The following MMP21 variants were observed in gnomAD, a reference collection of about 807,000 sequenced individuals.
MMP21 encodes the protein matrix metallopeptidase 21.
Under a neutral mutation model 47.8 loss-of-function variants are expected in MMP21, and 40 were observed. The ratio of observed to expected loss-of-function variants is 0.84; its 90% CI spans 0.65 to 1.09. MMP21 has a LOEUF of 1.09. MMP21 is among the 50% of genes least tolerant of loss of function. The pLI is 0.00. For missense variants in MMP21, 747 were observed against 775.3 expected (o/e 0.96, Z 0.43); for synonymous variants, 341 against 318.0 (o/e 1.07, Z -0.77).
Position 125,772,755 on chromosome 10 carries a change from C to A in MMP21, c.698-5G>T. ...GCGGACAGCCCAGGTGCCGGCCTGG[C>A]GAGGGGGAGGAGGAGTTGGTCCCGG... is the stretch of plus-strand genomic sequence containing the variant. On this transcript the variant is annotated splice_region_variant and splice_polypyrimidine_tract_variant and intron_variant, in intron 2 of 6. Transcript: ENST00000368808. The surrounding 1 kb of genome is among the most constrained non-coding windows in gnomAD (Gnocchi z 5.6). The A allele has an allele frequency of 6.2e-7, 1 of 1,611,534 alleles. No individual in the cohort carries two copies.
chr10:125,767,500 A>T, intron 6 of MMP21, 32 bp downstream of exon 6: 1 of 1,593,588 alleles, frequency 6.3e-7, no homozygotes, highest in South Asian at 1.1e-5. Context: ...GGATGACAGA[A>T]GCATTGCTAG....
In MMP21 at chr10:125,774,169, G is replaced by A. The variant is rs1313614614; in HGVS notation, c.359C>T (p.Pro120Leu). The A allele has an allele frequency of 4.7e-6, 6 of 1,275,988 alleles. No individual in the cohort carries two copies. The highest frequency in any genetic ancestry group is 1.6e-5 in the African/African-American group (1 of 63,582). The allele number at this position is 1,275,988 out of a possible 1,614,324, so 79.0% of individuals were successfully genotyped here. The change falls in exon 2 of 7, where the codon CCG becomes CTG. Residue 120 changes from proline to leucine, a missense_variant. By Grantham distance (98) the Pro-to-Leu change is moderately conservative (BLOSUM62 -3). Transcript: ENST00000368808. ...GGAGGGGGGCGGTGGGCGCATGTCCGGGACCCCGCAGCGCGGCCGGTTCAT... is the reference window on the plus strand; with the variant it reads ...GGAGGGGGGCGGTGGGCGCATGTCCAGGACCCCGCAGCGCGGCCGGTTCAT... Reference protein sequence around the residue: ...AAMNRPRCGVPDMRPPPPSAP... With the variant: ...AAMNRPRCGVLDMRPPPPSAP...
rs1253758538 is a variant in MMP21, at chr10:125,766,666, A to T, written c.1706T>A (p.Met569Lys). ...TCCATTTCCTACTTTTTCTTATTAC[A>T]TGTTCAGTGTGGAGATATGGACGTC... The part of the protein sequence containing the change: ...VCDVHISTLN[M>K] Residue 569 changes from methionine to lysine, a missense_variant, in exon 7 of 7, where the codon ATG (methionine) becomes AAG (lysine). Physicochemically the swap from Met to Lys is moderately conservative, Grantham distance 95. Transcript: ENST00000368808. 6.3e-7 allele frequency: 1 copy of T among 1,593,490 alleles called. No homozygotes were observed. The highest frequency in any genetic ancestry group is 1.8e-5 in the Admixed American group (1 of 54,984).
At position 125,772,354 on chromosome 10, in the gene MMP21, G is replaced by C. The variant is rs202130261; in HGVS notation, c.843C>G (p.Ala281=). The C allele has an allele frequency of 1.9e-5, 31 of 1,613,904 alleles. No individual in the cohort carries two copies. The highest frequency in any genetic ancestry group is 2.2e-5 in the Non-Finnish European group (26 of 1,179,992). The change falls in exon 4 of 7, where the codon GCC becomes GCG. Residue 281 remains alanine, a synonymous_variant. Transcript: ENST00000368808. This position sits in a 1 kb window ranked among gnomAD's most constrained non-coding sequence, Gnocchi z 5.6. ...SDTGISLLKV[A]VHEIGHVLGL... is the part of the protein sequence containing the mutation. Reference sequence around the variant, plus strand: ...CCAGGACATGGCCAATTTCATGGACGGCCACCTAGAAGGGGACACACACCA... The same window carrying C: ...CCAGGACATGGCCAATTTCATGGACCGCCACCTAGAAGGGGACACACACCA...
chr10:125,767,367 C>T (rs1850397478), intron 6 of MMP21, among the ~76,000 whole-genome samples, 165 bp downstream of exon 6: 1 of 152,224 alleles, frequency 6.6e-6, no homozygotes, highest in Non-Finnish European at 1.5e-5. Flanking sequence ...GTCTCAAACT[C>T]CTGGGCTTAA....
rs1365555768 is a variant in MMP21 at position 125,770,438 on chromosome 10, T to C, written c.1133A>G (p.Asp378Gly). Residue 378 changes from aspartate (D) to glycine (G), a missense_variant, in exon 5 of 7, where the codon GAC (aspartate) becomes GGC (glycine). Asp to Gly is a moderately conservative substitution (Grantham distance 94). Coordinates refer to ENST00000368808, the MANE Select transcript of MMP21 (RefSeq NM_147191.1). ...CCAGCCAGTGAGGATTTGGATAGGG[T>C]CCCCATAGCGTGTCCTATTGTTTCG... is the stretch of plus-strand genomic sequence containing the variant. ...ENRNNRTRYG[D>G]PIQILTGWPG... 1 of 1,614,108 alleles carries C rather than the reference T, an allele frequency of 6.2e-7. No homozygotes were observed. The highest frequency in any genetic ancestry group is 8.5e-7 in the Non-Finnish European group (1 of 1,180,034).
Position 125,774,046 on chromosome 10 carries a change from C to T in MMP21, c.482G>A (p.Gly161Asp). 3 of 1,468,122 alleles carry T rather than the reference C, an allele frequency of 2.0e-6. No homozygotes were observed. Among genetic ancestry groups the T allele is most frequent in the Non-Finnish European group, 2.7e-6 (3 of 1,113,472 alleles). The allele number at this position is 1,468,122 out of a possible 1,614,324, so 90.9% of individuals were successfully genotyped here. A position where few individuals can be genotyped will look rare whatever the true frequency, so the allele number is the denominator to read the frequency against. ...SLSRRGWQPRGYPDGGAAQAF... is the reference protein window; with the variant it reads ...SLSRRGWQPRDYPDGGAAQAF... ...CTGGGCAGCTCCGCCGTCGGGGTAG[C>T]CCCGGGGCTGCCAACCCCGCCGGGA... Residue 161 changes from glycine (G) to aspartate (D), a missense_variant, in exon 2 of 7, where the codon GGC (glycine) becomes GAC (aspartate). Gly to Asp is a moderately conservative substitution (Grantham distance 94). Coordinates refer to ENST00000368808, the MANE Select transcript of MMP21 (RefSeq NM_147191.1).
intron 1 of MMP21, among the ~76,000 whole-genome samples, chr10:125,774,785 A>AGGGCAGGTCGTGCG (rs1850497725): frequency 6.6e-6 from 1 of 152,202 alleles, no homozygotes; most frequent in South Asian, 2.1e-4. Flanking sequence ...CAGGTCGCGC[A>AGGGCAGGTCGTGCG]GGGCAGGTCG....
At position 125,772,578 on chromosome 10, in the gene MMP21, G is replaced by T. The variant is rs1380023266; in HGVS notation, c.837+33C>A. ...ACGTCAGCCCATGAGCACTGCTGGT[G>T]TCTTATCAACACAGTGGCTCAGGAC... On this transcript the variant is annotated intron_variant, in intron 3 of 6. Transcript: ENST00000368808. This position sits in a 1 kb window ranked among gnomAD's most constrained non-coding sequence, Gnocchi z 5.6. 6.2e-7 allele frequency: 1 copy of T among 1,613,656 alleles called. No homozygotes were observed. Among genetic ancestry groups the T allele is most frequent in the African/African-American group, 1.3e-5 (1 of 75,044 alleles).
In MMP21 at chr10:125,774,074, AG is replaced by A; in HGVS notation, c.453del (p.Leu152CysfsTer25). ...CGGGGCTGCCAACCCCGCCGGGACA[AG>A]GACAGCGGCGCCCGCGGGGAGCGCC... ...RSRRSPRAPL[S>X]LSRRGWQPRG... On this transcript the variant is annotated frameshift_variant, in exon 2 of 7. Transcript: ENST00000368808. LOFTEE classifies it high-confidence loss of function. 3 of 1,406,370 alleles carry A rather than the reference AG, an allele frequency of 2.1e-6. No individual in the cohort carries two copies. Among genetic ancestry groups the A allele is most frequent in the Non-Finnish European group, 2.8e-6 (3 of 1,084,876 alleles). 87.1% of individuals were successfully genotyped at this position (1,406,370 alleles called of 1,614,324 possible).
At position 125,774,150 on chromosome 10, in the gene MMP21, G is replaced by T; in HGVS notation, c.378C>A (p.Pro126=). The change falls in exon 2 of 7, where the codon CCC becomes CCA. Residue 126 remains proline, a synonymous_variant. Coordinates refer to ENST00000368808, the MANE Select transcript of MMP21 (RefSeq NM_147191.1). The part of the protein sequence containing the change: ...RCGVPDMRPP[P]PSAPPSPPGP... ...CCGGGGGCGAAGGCGGGGCGGAGGG[G>T]GGCGGTGGGCGCATGTCCGGGACCC... 1 of 1,278,078 alleles carries T rather than the reference G, an allele frequency of 7.8e-7. No homozygotes were observed. The highest frequency in any genetic ancestry group is 9.8e-7 in the Non-Finnish European group (1 of 1,016,460). 79.2% of individuals were successfully genotyped at this position (1,278,078 alleles called of 1,614,324 possible). A position where few individuals can be genotyped will look rare whatever the true frequency, so the allele number is the denominator to read the frequency against.
intron 1 of MMP21, among the ~76,000 whole-genome samples, chr10:125,775,317 A>G (rs1026723926): frequency 6.6e-6 from 1 of 152,238 alleles, no homozygotes; most frequent in Non-Finnish European, 1.5e-5. Flanking sequence ...AGAGATTGGC[A>G]TGGTGAGCAG....
chr10:125,766,478 A>G lies in MMP21; in HGVS notation c.*184T>C, dbSNP rs577464269. ...TTTTTTTAAACCTTTTAGTTTATGA[A>G]TTATGTTTTGCCTGAGCAATTGTTT... On this transcript the variant is annotated 3_prime_UTR_variant, in exon 7 of 7. Transcript: ENST00000368808. 55 of 532,194 alleles carry G rather than the reference A, an allele frequency of 1.0e-4. No individual in the cohort carries two copies. Among genetic ancestry groups the G allele is most frequent in the African/African-American group, 1.0e-3 (52 of 51,456 alleles). 33.0% of individuals were successfully genotyped at this position (532,194 alleles called of 1,614,324 possible). A position where few individuals can be genotyped will look rare whatever the true frequency, so the allele number is the denominator to read the frequency against.
Position 125,774,252 on chromosome 10 carries a change from GA to G in MMP21, c.275del (p.Phe92SerfsTer18). 7.0e-7 allele frequency: 1 copy of G among 1,418,442 alleles called. No individual in the cohort carries two copies. The highest frequency in any genetic ancestry group is 9.2e-7 in the Non-Finnish European group (1 of 1,090,496). 87.9% of individuals were successfully genotyped at this position (1,418,442 alleles called of 1,614,324 possible). ...TGGCCGGCAGCGCGTTCGCCCGCTG[GA>G]ACCTGCGCACCGCCTCGGCCAGGGC... is the stretch of plus-strand genomic sequence containing the variant. ...GAALAEAVRR[F>X]QRANALPASG... On this transcript the variant is annotated frameshift_variant, in exon 2 of 7. Coordinates refer to ENST00000368808, the MANE Select transcript of MMP21 (RefSeq NM_147191.1). LOFTEE classifies it high-confidence loss of function.
chr10:125,775,174 G>T (rs968385762), intron 1 of MMP21, among the ~76,000 whole-genome samples: 1 of 152,184 alleles, frequency 6.6e-6, no homozygotes, highest in Non-Finnish European at 1.5e-5. Context: ...GGAGGGGATC[G>T]CCTGCATTGG....
At chr10:125,767,173 G>A (rs1178014084) in intron 6 of MMP21, among the ~76,000 whole-genome samples, 1 of 151,732 alleles carries the variant, frequency 6.6e-6, no homozygotes, top group Non-Finnish European at 1.5e-5. Context: ...CTCTTGCCCA[G>A]GCTGGACTGG....
chr10:125,767,627 A>ATTTGGGATAGC lies in MMP21; in HGVS notation c.1304_1314dup (p.Leu439AlafsTer5). 1.2e-6 allele frequency: 2 copies of ATTTGGGATAGC among 1,614,178 alleles called. No individual in the cohort carries two copies. The highest frequency in any genetic ancestry group is 1.7e-6 in the Non-Finnish European group (2 of 1,180,026). ...ATGCCAGGAAATCCTTCTGAAATCA[A>ATTTGGGATAGC]TTTGGGATAGCTTTTTCCTTGTTCA... On this transcript the variant is annotated frameshift_variant, in exon 6 of 7. Transcript: ENST00000368808. LOFTEE classifies it high-confidence loss of function.
rs775323731 is a variant in MMP21, at chr10:125,772,658, C to T, written c.790G>A (p.Glu264Lys). ...TCACTGGTGGGAGGTGTGAAGTGCTCGTCGTCGTCAAAGTGAATGTCACCT... is the reference window on the plus strand; with the variant it reads ...TCACTGGTGGGAGGTGTGAAGTGCTTGTCGTCGTCAAAGTGAATGTCACCT... ...RLGDIHFDDD[E>K]HFTPPTSDTG... Residue 264 changes from glutamate to lysine, a missense_variant, in exon 3 of 7, where the codon GAG becomes AAG. Transcript: ENST00000368808. The surrounding 1 kb of genome is among the most constrained non-coding windows in gnomAD (Gnocchi z 5.6). 9.3e-6 allele frequency: 15 copies of T among 1,614,148 alleles called. No homozygotes were observed. The highest frequency in any genetic ancestry group is 2.2e-5 in the East Asian group (1 of 44,882).
rs948359829 is a variant in MMP21, at chr10:125,773,058, C to A, written c.698-308G>T. 6.6e-6 allele frequency among the ~76,000 whole-genome samples: 1 copy of A among 152,222 alleles called. No individual in the cohort carries two copies. Among genetic ancestry groups the A allele is most frequent in the Admixed American group, 6.5e-5 (1 of 15,284 alleles). On this transcript the variant is annotated intron_variant, in intron 2 of 6. Transcript: ENST00000368808. The surrounding 1 kb of genome is among the most constrained non-coding windows in gnomAD (Gnocchi z 4.8). The stretch of plus-strand genomic sequence containing the variant: ...GGCCTCACCCGGACAAGATCGGGGC[C>A]GGATCCTCGCCTCTGCGGAGGTCGT...
Sources: allele counts gnomAD v4.1 joint callset (sites outside exome capture counted in the v4.1 genomes callset), GRCh38; gene constraint gnomAD v4.1.1; non-coding constraint Gnocchi (gnomAD v3.1); transcripts MANE v1.5; gene names NCBI Gene and HGNC (gene_info 2026-07-23, HGNC 2026-07-21).